THADA: variants seen among roughly 807,000 people sequenced by gnomAD.
The protein encoded by THADA is THADA armadillo repeat containing.
Under a neutral mutation model 219.8 loss-of-function variants are expected in THADA, and 213 were observed. The ratio of observed to expected loss-of-function variants is 0.97; its 90% CI spans 0.87 to 1.09. The LOEUF (loss-of-function observed/expected upper bound fraction) is 1.09. Among genes scored for constraint, THADA ranks in the 50% least tolerant of loss-of-function variants. The pLI, the probability that THADA is intolerant of heterozygous loss-of-function variation, is 0.00. For synonymous variants in THADA, 1,018 were observed against 828.9 expected (o/e 1.23, Z -3.92); for missense variants, 2,956 against 2,311.3 (o/e 1.28, Z -5.72).
chr2:43,422,325 C>T (rs1252617485), intron 28 of THADA, among the ~76,000 whole-genome samples: 14 of 152,198 alleles, frequency 9.2e-5, no homozygotes, highest in Admixed American at 7.9e-4. Context: ...CATGTTGCCA[C>T]TAAGTCTTCT....
intron 26 of THADA, among the ~76,000 whole-genome samples, chr2:43,437,467 G>C (rs1213812596): frequency 6.6e-6 from 1 of 152,142 alleles, no homozygotes; most frequent in Non-Finnish European, 1.5e-5. Context: ...ACTGAAAGCT[G>C]AGCTCATCCT....
At chr2:43,475,193 G>C (rs1404904303) in intron 26 of THADA, among the ~76,000 whole-genome samples, 2 of 152,098 alleles carry the variant, frequency 1.3e-5, no homozygotes, top group African/African-American at 4.8e-5. Flanking sequence ...GAGGTGGGTG[G>C]ATCACTTGAG....
intron 29 of THADA, among the ~76,000 whole-genome samples, chr2:43,390,521 C>G (rs964318608): frequency 3.6e-4 from 55 of 152,314 alleles, no homozygotes; most frequent in African/African-American, 1.3e-3. Flanking sequence ...GACGACTATT[C>G]TGACATGCCA....
At chr2:43,298,222 C>CA (rs1282216849) in intron 31 of THADA, among the ~76,000 whole-genome samples, 2 of 78,716 alleles carry the variant, frequency 2.5e-5, no homozygotes, top group Non-Finnish European at 4.5e-5. Context: ...AAGAAGTAGA[C>CA]ATGGGAGACT....
At chr2:43,288,245 CCT>C (rs1674280278) in intron 34 of THADA, among the ~76,000 whole-genome samples, 1 of 152,196 alleles carries the variant, frequency 6.6e-6, no homozygotes, top group African/African-American at 2.4e-5. Flanking sequence ...ATGGTGAAAC[CCT>C]GTCTCTACTA....
intron 36 of THADA, among the ~76,000 whole-genome samples, chr2:43,241,193 G>A (rs908547446): frequency 1.3e-5 from 2 of 151,948 alleles, no homozygotes; most frequent in African/African-American, 4.8e-5. Flanking sequence ...GGCTCAAGTG[G>A]TCCTCCCACC....
chr2:43,411,803 C>T (rs1420758904), intron 28 of THADA, among the ~76,000 whole-genome samples: 4 of 152,114 alleles, frequency 2.6e-5, no homozygotes, highest in Admixed American at 2.0e-4. Flanking sequence ...AAGCACGGTA[C>T]ATTATTATAC....
chr2:43,267,725 G>A (rs1013044316), intron 36 of THADA, among the ~76,000 whole-genome samples: 1 of 149,888 alleles, frequency 6.7e-6, no homozygotes, highest in Non-Finnish European at 1.5e-5. Flanking sequence ...TCTTGAAAAT[G>A]TCAGAGCACC....
At chr2:43,322,209 G>A (rs890236535) in intron 30 of THADA, among the ~76,000 whole-genome samples, 4 of 151,916 alleles carry the variant, frequency 2.6e-5, no homozygotes, top group Non-Finnish European at 5.9e-5. Flanking sequence ...GGCTGGTTAA[G>A]AGTGTGCTGG....
At chr2:43,525,622 G>T (rs531554488) in intron 22 of THADA, among the ~76,000 whole-genome samples, 3 of 152,310 alleles carry the variant, frequency 2.0e-5, no homozygotes, top group African/African-American at 7.2e-5. Context: ...AAATGCGAGT[G>T]AAGTTGTCTT....
intron 22 of THADA, among the ~76,000 whole-genome samples, chr2:43,515,150 T>A (rs570894338): frequency 0.15 from 75 of 498 alleles, 1 homozygote; most frequent in Middle Eastern, 0.5. Context: ...ATAATATATT[T>A]TATATATTAT....
At chr2:43,400,472 TATATAAATATATAC>T (rs1674688300) in intron 28 of THADA, among the ~76,000 whole-genome samples, 1 of 144,104 alleles carries the variant, frequency 6.9e-6, no homozygotes, top group South Asian at 2.2e-4. Context: ...TATATATATA[TATATAAATATATAC>T]ACTAAGAAAA....
At position 43,231,319 on chromosome 2, in the gene THADA, T is replaced by G. The variant is rs2103996283; in HGVS notation, c.5491A>C (p.Lys1831Gln). ...TCGGCCCAAAAGTTGACTTCTGCTTTTTCAAACAGGTAGTCTTCTTCCACC... is the reference window on the plus strand; with the variant it reads ...TCGGCCCAAAAGTTGACTTCTGCTTGTTCAAACAGGTAGTCTTCTTCCACC... ...HQVEEDYLFE[K>Q]AEVNFWAETL... The change falls in exon 38 of 38, where the codon AAA becomes CAA. Residue 1831 changes from lysine to glutamine, a missense_variant. Physicochemically the swap from Lys to Gln is moderately conservative, Grantham distance 53. Transcript: ENST00000405975. The G allele has an allele frequency of 6.4e-7, 1 of 1,559,656 alleles. No individual in the cohort carries two copies. The highest frequency in any genetic ancestry group is 2.2e-5 in the East Asian group (1 of 44,488).
chr2:43,347,105 T>C (rs1004554501), intron 29 of THADA, among the ~76,000 whole-genome samples: 9 of 152,140 alleles, frequency 5.9e-5, no homozygotes, highest in African/African-American at 2.2e-4. Context: ...GAAGGCTAGA[T>C]TAGTGCTAAG....
chr2:43,532,112 T>TA (rs143916030), intron 21 of THADA, among the ~76,000 whole-genome samples: 3 of 150,592 alleles, frequency 2.0e-5, no homozygotes, highest in East Asian at 1.9e-4. Context: ...ATGAAAAGTG[T>TA]AAAAAAAATA....
At chr2:43,520,719 C>A (rs548604322) in intron 22 of THADA, among the ~76,000 whole-genome samples, 1 of 124,560 alleles carries the variant, frequency 8.0e-6, no homozygotes. Flanking sequence ...TATATACACA[C>A]ACACACACAC....
At chr2:43,372,912 C>A (rs1441437495) in intron 29 of THADA, among the ~76,000 whole-genome samples, 4 of 152,194 alleles carry the variant, frequency 2.6e-5, no homozygotes, top group Admixed American at 2.6e-4. Context: ...CTATGTTAGC[C>A]AGGCTGCTCT....
chr2:43,392,812 T>C (rs1472865937), intron 29 of THADA, among the ~76,000 whole-genome samples: 2 of 152,184 alleles, frequency 1.3e-5, no homozygotes, highest in Non-Finnish European at 2.9e-5. Flanking sequence ...GAGGGCTCAC[T>C]TGGCTTCTAA....
chr2:43,399,872 C>CA (rs1674583764), intron 28 of THADA, among the ~76,000 whole-genome samples: 1 of 147,206 alleles, frequency 6.8e-6, no homozygotes, highest in South Asian at 2.4e-4. Flanking sequence ...TTCATTTGAC[C>CA]AAAAAACAAA....
Sources: gnomAD v4.1 joint callset for allele counts (sites outside exome capture counted in the v4.1 genomes callset) on GRCh38, gnomAD v4.1.1 for gene constraint, MANE v1.5 for transcripts, NCBI Gene and HGNC (gene_info 2026-07-23, HGNC 2026-07-21) for gene names.